HS2ST1: variants seen among roughly 807,000 people sequenced by gnomAD.
The protein encoded by HS2ST1 is 2-O-sulfotransferase.
HS2ST1 carries 18 observed loss-of-function variants against 42.9 expected under a neutral mutation model. The observed-to-expected ratio is 0.42, with a 90% CI of 0.29 to 0.62. The LOEUF (loss-of-function observed/expected upper bound fraction) is 0.62, where lower values mean the gene tolerates loss of function less well. Among genes scored for constraint, HS2ST1 ranks in the 20% least tolerant of loss-of-function variants. The pLI, the probability that HS2ST1 is intolerant of heterozygous loss-of-function variation, is 0.21. For missense variants in HS2ST1, 334 were observed against 433.8 expected (o/e 0.77, Z 2.04); for synonymous variants, 146 against 152.9 (o/e 0.95, Z 0.33).
At chr1:87,042,155 T>G (rs1473849073) in intron 1 of HS2ST1, among the ~76,000 whole-genome samples, 6 of 152,174 alleles carry the variant, frequency 3.9e-5, no homozygotes, top group Non-Finnish European at 8.8e-5. Context: ...CCTTTGCCCA[T>G]TTTTTAATTG....
chr1:87,107,396 A>G lies in HS2ST1; in HGVS notation c.*2700A>G, dbSNP rs1233496175. On this transcript the variant is annotated 3_prime_UTR_variant, in exon 7 of 7. Transcript: ENST00000370550. ...AGGAGTATCCTTTCTGGAGACTGAG[A>G]AAGGGGTGTATTTAATTCCATCAGG... The G allele has an allele frequency of 6.6e-6, 1 of 151,980 alleles. No homozygotes were observed. The highest frequency in any genetic ancestry group is 1.5e-5 in the Non-Finnish European group (1 of 67,920). 9.4% of individuals were successfully genotyped at this position (151,980 alleles called of 1,614,324 possible).
At position 86,993,004 on chromosome 1, in the gene HS2ST1, C is replaced by T. The variant is rs575183154; in HGVS notation, c.124+77844C>T. On this transcript the variant is annotated intron_variant, in intron 1 of 6. Transcript: ENST00000370550. ...GCGTCTGTGTCTATGTTCCTTTCCTCCCAGTGTGGGGAGGGTACCTCTCAC... is the reference window on the plus strand; with the variant it reads ...GCGTCTGTGTCTATGTTCCTTTCCTTCCAGTGTGGGGAGGGTACCTCTCAC... The T allele has an allele frequency of 3.0e-4, 451 of 1,489,188 alleles. 1 individual carries two copies. Among genetic ancestry groups the T allele is most frequent in the Middle Eastern group, 2.1e-3 (12 of 5,768 alleles). 92.2% of individuals were successfully genotyped at this position (1,489,188 alleles called of 1,614,324 possible).
intron 1 of HS2ST1, among the ~76,000 whole-genome samples, chr1:87,063,407 G>A (rs949760996): frequency 1.2e-4 from 18 of 152,048 alleles, no homozygotes; most frequent in Admixed American, 3.3e-4. Context: ...CGTGACTTCC[G>A]CTCACCGCAG....
At chr1:86,915,919 C>A (rs72947842) in intron 1 of HS2ST1, among the ~76,000 whole-genome samples, 3,585 of 152,072 alleles carry the variant, frequency 0.024, 75 homozygotes, top group African/African-American at 0.049. Flanking sequence ...GAGGAGGGAA[C>A]GCTGAAGGGG....
At chr1:87,050,325 C>T (rs921717792) in intron 1 of HS2ST1, among the ~76,000 whole-genome samples, 15 of 151,878 alleles carry the variant, frequency 9.9e-5, no homozygotes, top group Middle Eastern at 3.4e-3. Flanking sequence ...TAGATCCCAT[C>T]AAGTAATCTT....
At chr1:86,997,545 C>G (rs888814529) in intron 1 of HS2ST1, among the ~76,000 whole-genome samples, 3 of 152,120 alleles carry the variant, frequency 2.0e-5, no homozygotes, top group Non-Finnish European at 4.4e-5. Context: ...AGGCTAAGTT[C>G]TGTGATCTTT....
intron 2 of HS2ST1, among the ~76,000 whole-genome samples, chr1:87,079,995 T>C (rs1651644800): frequency 6.6e-6 from 1 of 151,942 alleles, no homozygotes; most frequent in Non-Finnish European, 1.5e-5. Context: ...TTACAGTGAG[T>C]TATGATCATG....
chr1:87,099,106 A>G (rs1037401500), intron 5 of HS2ST1, among the ~76,000 whole-genome samples: 5 of 152,202 alleles, frequency 3.3e-5, no homozygotes, highest in African/African-American at 1.2e-4. Flanking sequence ...ATAAAGTTTT[A>G]TTGAAACACA....
At chr1:86,992,387 T>C (rs559275213) in intron 1 of HS2ST1, among the ~76,000 whole-genome samples, 1 of 151,864 alleles carries the variant, frequency 6.6e-6, no homozygotes, top group South Asian at 2.1e-4. Flanking sequence ...GTGTGTGAGA[T>C]GGAGTTTCGC....
chr1:87,065,142 T>A (rs1651216347), intron 1 of HS2ST1, among the ~76,000 whole-genome samples: 1 of 152,242 alleles, frequency 6.6e-6, no homozygotes, highest in Non-Finnish European at 1.5e-5. Flanking sequence ...AACAGCTTTC[T>A]TTTGGTGCAT....
chr1:86,973,860 G>A (rs941504496), intron 1 of HS2ST1, among the ~76,000 whole-genome samples: 6 of 152,158 alleles, frequency 3.9e-5, no homozygotes, highest in South Asian at 2.1e-4. Context: ...GAAATCAGTC[G>A]TCTAGCTCTC....
chr1:87,016,492 TC>T (rs1388246225), intron 1 of HS2ST1, among the ~76,000 whole-genome samples: 2 of 152,168 alleles, frequency 1.3e-5, no homozygotes, highest in African/African-American at 4.8e-5. Context: ...TCTCCTGGCT[TC>T]CCTCCTTTCA....
chr1:87,040,423 G>A (rs114102283), intron 1 of HS2ST1, among the ~76,000 whole-genome samples: 3,743 of 152,014 alleles, frequency 0.025, 143 homozygotes, highest in African/African-American at 0.085. Flanking sequence ...CATTCTGCCC[G>A]TCTTTGAAGT....
At chr1:86,985,896 A>G (rs1648769975) in intron 1 of HS2ST1, among the ~76,000 whole-genome samples, 3 of 152,160 alleles carry the variant, frequency 2.0e-5, no homozygotes, top group African/African-American at 7.2e-5. Context: ...TTCAACTAGA[A>G]GGTAGGAATT....
At chr1:87,075,526 C>G (rs1211441711) in intron 2 of HS2ST1, among the ~76,000 whole-genome samples, 1 of 152,168 alleles carries the variant, frequency 6.6e-6, no homozygotes, top group Non-Finnish European at 1.5e-5. Context: ...AGTTTCTAAT[C>G]AAGTACAACT....
At chr1:86,957,520 T>A (rs1647708234) in intron 1 of HS2ST1, among the ~76,000 whole-genome samples, 1 of 152,184 alleles carries the variant, frequency 6.6e-6, no homozygotes, top group Non-Finnish European at 1.5e-5. Flanking sequence ...TTACTTCTCT[T>A]TTTACTTCCT....
At chr1:87,062,180 TTTCATTTTCATTCATGTCAATGTA>T (rs1226846515) in intron 1 of HS2ST1, among the ~76,000 whole-genome samples, 26 of 152,176 alleles carry the variant, frequency 1.7e-4, no homozygotes, top group Admixed American at 1.7e-3. Context: ...ATTTGCTTAT[TTTCATTTTCATTCATGTCAATGTA>T]TTTTTAAAAT....
chr1:87,074,685 G>A (rs953618909), intron 2 of HS2ST1, among the ~76,000 whole-genome samples: 4 of 151,600 alleles, frequency 2.6e-5, no homozygotes, highest in Admixed American at 2.6e-4. Context: ...TGTTGGTTAT[G>A]TATAGGAAAA....
At chr1:87,084,115 C>T (rs555058855) in intron 2 of HS2ST1, 79 bp from the exon 3 acceptor site, 2 of 907,596 alleles carry the variant, frequency 2.2e-6, no homozygotes, top group Non-Finnish European at 3.3e-6. Context: ...TTTTTAAATT[C>T]CTATCTTGGA....
Sources: gnomAD v4.1 joint callset for allele counts (sites outside exome capture counted in the v4.1 genomes callset) on GRCh38, gnomAD v4.1.1 for gene constraint, MANE v1.5 for transcripts, NCBI Gene and HGNC (gene_info 2026-07-23, HGNC 2026-07-21) for gene names.